Variants in PDS5B observed in about 807,000 individuals in gnomAD.
PDS5B encodes the protein PDS5 cohesin associated factor B.
A neutral mutation model predicts 184.1 loss-of-function variants in PDS5B; 51 were observed. That is an observed-to-expected ratio of 0.28 (90% CI 0.22 to 0.35). PDS5B has a LOEUF of 0.35. Ranked by LOEUF, PDS5B falls within the 10% of genes least tolerant of loss-of-function variation. The pLI, the probability that PDS5B is intolerant of heterozygous loss-of-function variation, is 1.00. For missense variants in PDS5B, 1,180 were observed against 1,723.3 expected (o/e 0.68, Z 5.58); for synonymous variants, 566 against 569.2 (o/e 0.99, Z 0.08).
At chr13:32,641,479 G>A (rs140769743) in intron 1 of PDS5B, among the ~76,000 whole-genome samples, 6 of 151,958 alleles carry the variant, frequency 3.9e-5, no homozygotes, top group African/African-American at 1.4e-4. Flanking sequence ...TTTCACTGAG[G>A]GTGATCATCA....
chr13:32,773,605 G>T (rs1384280110), intron 34 of PDS5B, among the ~76,000 whole-genome samples: 1 of 151,980 alleles, frequency 6.6e-6, no homozygotes, highest in Non-Finnish European at 1.5e-5. Context: ...TGATTTTAGG[G>T]CACTGATACC....
chr13:32,752,291 T>C (rs1346704087), intron 24 of PDS5B, among the ~76,000 whole-genome samples: 1 of 152,186 alleles, frequency 6.6e-6, no homozygotes, highest in Non-Finnish European at 1.5e-5. Context: ...AATTAAACTT[T>C]ATCATAGGTA....
chr13:32,625,984 A>T (rs745693672), intron 1 of PDS5B, among the ~76,000 whole-genome samples: 11 of 151,994 alleles, frequency 7.2e-5, no homozygotes, highest in African/African-American at 2.7e-4. Context: ...GATCACAGGC[A>T]CGCACTACCA....
At chr13:32,672,433 TAC>T (rs970093021) in intron 7 of PDS5B, among the ~76,000 whole-genome samples, 2 of 152,106 alleles carry the variant, frequency 1.3e-5, no homozygotes, top group African/African-American at 4.8e-5. Context: ...AGTGTATGTA[TAC>T]ACACACACAG....
Position 32,715,249 on chromosome 13 carries a change from C to G in PDS5B, c.2123+5143C>G, listed in dbSNP as rs149409622. On this transcript the variant is annotated intron_variant, in intron 19 of 34. Coordinates refer to ENST00000315596, the MANE Select transcript of PDS5B (RefSeq NM_015032.4). ...CAGTATAACTAAAGAATTTCCTAGG[C>G]AGCCCTAGCTACTTTTAAGTAGGGG... Among the ~76,000 whole-genome samples, 1,237 of 152,274 alleles carry G rather than the reference C, an allele frequency of 8.1e-3. 10 individuals carry two copies. Among genetic ancestry groups the G allele is most frequent in the Middle Eastern group, 0.02 (6 of 294 alleles).
intron 31 of PDS5B, among the ~76,000 whole-genome samples, chr13:32,768,126 A>G (rs1057405114): frequency 1.8e-4 from 27 of 152,182 alleles, no homozygotes; most frequent in African/African-American, 5.8e-4. Context: ...TAAAATACCA[A>G]ATACCACAGA....
At chr13:32,616,037 A>G (rs1343145542) in intron 1 of PDS5B, among the ~76,000 whole-genome samples, 1 of 150,956 alleles carries the variant, frequency 6.6e-6, no homozygotes, top group African/African-American at 2.4e-5. Context: ...TAGAAGTGAT[A>G]TTTTTCCTCC....
intron 1 of PDS5B, among the ~76,000 whole-genome samples, chr13:32,640,568 T>G (rs1193800287): frequency 6.6e-6 from 1 of 152,032 alleles, no homozygotes; most frequent in African/African-American, 2.4e-5. Flanking sequence ...TATTTTCTTA[T>G]GCTTACTGTT....
At chr13:32,676,802 G>C (rs1228504175) in intron 9 of PDS5B, among the ~76,000 whole-genome samples, 1 of 151,822 alleles carries the variant, frequency 6.6e-6, no homozygotes, top group East Asian at 1.9e-4. Context: ...GTGGTGGCAG[G>C]CACCTGTAGT....
chr13:32,735,413 T>G, intron 21 of PDS5B, 83 bp downstream of exon 21: 2 of 898,714 alleles, frequency 2.2e-6, no homozygotes, highest in South Asian at 2.0e-5. Flanking sequence ...TGAAATGATA[T>G]CAATAATACT....
intron 7 of PDS5B, among the ~76,000 whole-genome samples, chr13:32,669,534 A>G (rs1368477092): frequency 6.6e-6 from 1 of 152,094 alleles, no homozygotes; most frequent in African/African-American, 2.4e-5. Flanking sequence ...TGGAAGTTAA[A>G]TAAAGAAAAA....
chr13:32,770,680 T>C lies in PDS5B; in HGVS notation c.4091T>C (p.Ile1364Thr), dbSNP rs753762563. The change falls in exon 33 of 35, where the codon ATT (isoleucine) becomes ACT (threonine). Residue 1364 changes from isoleucine (I) to threonine (T), a missense_variant. By Grantham distance (89) the Ile-to-Thr change is moderately conservative (BLOSUM62 -1). Transcript: ENST00000315596. ...QRAESPESSAIESTQSTPQKG... is the reference protein window; with the variant it reads ...QRAESPESSATESTQSTPQKG... ...GCAGAATCTCCTGAATCTAGTGCAA[T>C]TGAATCCACACAGTCCACACCACAG... 7 of 1,611,608 alleles carry C rather than the reference T, an allele frequency of 4.3e-6. No individual in the cohort carries two copies. Among genetic ancestry groups the C allele is most frequent in the Non-Finnish European group, 2.5e-6 (3 of 1,178,910 alleles).
At chr13:32,754,218 A>G (rs1369070197) in intron 25 of PDS5B, among the ~76,000 whole-genome samples, 1 of 152,156 alleles carries the variant, frequency 6.6e-6, no homozygotes, top group Admixed American at 6.5e-5. Context: ...TGCCTGCTGT[A>G]TCACATTGCT....
intron 19 of PDS5B, among the ~76,000 whole-genome samples, chr13:32,726,253 T>C (rs1293083528): frequency 6.6e-6 from 1 of 152,166 alleles, no homozygotes; most frequent in African/African-American, 2.4e-5. Context: ...TCTTCACCTT[T>C]TTTCTCTCTA....
chr13:32,699,567 G>A (rs1410099857), intron 15 of PDS5B, among the ~76,000 whole-genome samples, 163 bp from the exon 16 acceptor site: 1 of 152,006 alleles, frequency 6.6e-6, no homozygotes, highest in African/African-American at 2.4e-5. Context: ...ATTTTTATGT[G>A]TGAAAATTGA....
chr13:32,707,476 T>A (rs1952064456), intron 18 of PDS5B, among the ~76,000 whole-genome samples: 1 of 151,892 alleles, frequency 6.6e-6, no homozygotes, highest in Non-Finnish European at 1.5e-5. Flanking sequence ...TTAGTTTCTT[T>A]TGTTTCCTTT....
At chr13:32,735,416 A>T in intron 21 of PDS5B, 86 bp downstream of exon 21, 1 of 890,146 alleles carries the variant, frequency 1.1e-6, no homozygotes, top group Non-Finnish European at 1.7e-6. Flanking sequence ...AATGATATCA[A>T]TAATACTTCC....
intron 19 of PDS5B, among the ~76,000 whole-genome samples, chr13:32,723,001 A>G (rs1377361891): frequency 6.6e-6 from 1 of 152,234 alleles, no homozygotes; most frequent in Non-Finnish European, 1.5e-5. Flanking sequence ...AAGCTCAGAG[A>G]GAGTATGTAA....
chr13:32,641,048 C>T (rs988765934), intron 1 of PDS5B, among the ~76,000 whole-genome samples: 20 of 132,700 alleles, frequency 1.5e-4, no homozygotes, highest in African/African-American at 6.2e-4. Context: ...CAGAGTGAGA[C>T]TCCGTCTCAA....
Sources: gnomAD v4.1 joint callset for allele counts (sites outside exome capture counted in the v4.1 genomes callset) on GRCh38, gnomAD v4.1.1 for gene constraint, MANE v1.5 for transcripts, NCBI Gene and HGNC (gene_info 2026-07-23, HGNC 2026-07-21) for gene names.